Variants in TRIM8 observed in about 807,000 individuals in gnomAD.
TRIM8 encodes the protein tripartite motif containing 8, also known as E3 ubiquitin-protein ligase TRIM8.
A neutral mutation model predicts 55.7 loss-of-function variants in TRIM8; 9 were observed. The ratio of observed to expected loss-of-function variants is 0.16; its 90% CI spans 0.10 to 0.28. The LOEUF (loss-of-function observed/expected upper bound fraction) is 0.28, where lower values mean the gene tolerates loss of function less well. Among genes scored for constraint, TRIM8 ranks in the 10% least tolerant of loss-of-function variants. The pLI, the probability that TRIM8 is intolerant of heterozygous loss-of-function variation, is 1.00. For synonymous variants in TRIM8, 335 were observed against 333.3 expected, an observed-to-expected ratio of 1.01 and a Z score of -0.06; for missense variants, 556 against 736.4, an observed-to-expected ratio of 0.76 and a Z score of 2.83.
chr10:102,657,356 G>A lies in TRIM8; in HGVS notation c.*2G>A, dbSNP rs899209934. 4.5e-6 allele frequency: 7 copies of A among 1,554,448 alleles called. No homozygotes were observed. The highest frequency in any genetic ancestry group is 3.6e-5 in the South Asian group (3 of 83,250). On this transcript the variant is annotated 3_prime_UTR_variant, in exon 6 of 6. Transcript: ENST00000643721. ...ACCAAACACTACGTGACGAGCTAAC[G>A]CCACGCAGGCGGCGGGGCGCTGGGG...
chr10:102,645,230 C>G, intron 1 of TRIM8, 43 bp downstream of exon 1: 2 of 1,467,166 alleles, frequency 1.4e-6, no homozygotes, highest in Non-Finnish European at 1.8e-6. Flanking sequence ...CACACACAGA[C>G]ACACAGTCCC....
At chr10:102,653,026 C>T (rs889541309) in intron 1 of TRIM8, among the ~76,000 whole-genome samples, 5 of 152,136 alleles carry the variant, frequency 3.3e-5, no homozygotes, top group Admixed American at 2.0e-4. Context: ...CTCGAACTCC[C>T]GACCTCAGGT....
rs2064029084 is a variant in TRIM8, at chr10:102,656,808, C to T, written c.1110C>T (p.Ser370=). ...TCCCCCTGTACCCTTGCGGCGTGAG[C>T]AGCTCTGGGGCGGAAAAGCGCAAGC... ...QSVPLYPCGV[S]SSGAEKRKHS... Residue 370 remains serine, a synonymous_variant, in exon 6 of 6, where the codon AGC becomes AGT. Coordinates refer to ENST00000643721, the MANE Select transcript of TRIM8 (RefSeq NM_030912.3). This position sits in a 1 kb window ranked among gnomAD's most constrained non-coding sequence, Gnocchi z 4.6. The T allele has an allele frequency of 1.3e-6, 2 of 1,522,938 alleles. No individual in the cohort carries two copies. Among genetic ancestry groups the T allele is most frequent in the South Asian group, 1.3e-5 (1 of 76,000 alleles). 94.3% of individuals were successfully genotyped at this position (1,522,938 alleles called of 1,614,324 possible).
At chr10:102,654,852 A>G in intron 2 of TRIM8, 104 bp downstream of exon 2, 1 of 986,408 alleles carries the variant, frequency 1.0e-6, no homozygotes, top group Non-Finnish European at 1.6e-6. Context: ...TGCCAGAACC[A>G]CTCCATCAGT....
intron 1 of TRIM8, among the ~76,000 whole-genome samples, chr10:102,649,673 G>A (rs2063964915): frequency 2.0e-5 from 3 of 152,224 alleles, no homozygotes; most frequent in Admixed American, 2.0e-4. Context: ...GCCCTCTCTG[G>A]GGTCTGCCGG....
chr10:102,645,893 A>G (rs1053609429), intron 1 of TRIM8: 1 of 152,224 alleles, frequency 6.6e-6, no homozygotes, highest in Non-Finnish European at 1.5e-5. Flanking sequence ...ATCTGTCTTC[A>G]TCATCCTGGC....
At chr10:102,654,773 C>G in intron 2 of TRIM8, 25 bp downstream of exon 2, 1 of 1,575,554 alleles carries the variant, frequency 6.3e-7, no homozygotes, top group Non-Finnish European at 8.7e-7. Flanking sequence ...GGCCATGCTG[C>G]GGGGTGGGGG....
rs1375254644 is a variant in TRIM8 at position 102,658,084 on chromosome 10, A to G, written c.*730A>G. The G allele has an allele frequency of 1.3e-5, 2 of 152,134 alleles. No homozygotes were observed. Among genetic ancestry groups the G allele is most frequent in the African/African-American group, 4.8e-5 (2 of 41,412 alleles). The allele number at this position is 152,134 out of a possible 1,614,324, so 9.4% of individuals were successfully genotyped here. Reference sequence around the variant, plus strand: ...ATAATAATAATATTAATAATAATAAAGAGAAATAAAATAATAAAATAAAAA... The same window carrying G: ...ATAATAATAATATTAATAATAATAAGGAGAAATAAAATAATAAAATAAAAA... On this transcript the variant is annotated 3_prime_UTR_variant, in exon 6 of 6. Transcript: ENST00000643721.
chr10:102,656,559 C>G lies in TRIM8; in HGVS notation c.1048+174C>G. On this transcript the variant is annotated intron_variant, in intron 5 of 5. Coordinates refer to ENST00000643721, the MANE Select transcript of TRIM8 (RefSeq NM_030912.3). This position sits in a 1 kb window ranked among gnomAD's most constrained non-coding sequence, Gnocchi z 4.6. Reference sequence around the variant, plus strand: ...GTAAGCAACATGACCTCCCCAGCCTCCATTTCTTCAGCTTAAAGTGGGGAT... The same window carrying G: ...GTAAGCAACATGACCTCCCCAGCCTGCATTTCTTCAGCTTAAAGTGGGGAT... The G allele has an allele frequency of 7.7e-7, 1 of 1,307,094 alleles. No homozygotes were observed. Among genetic ancestry groups the G allele is most frequent in the Non-Finnish European group, 1.0e-6 (1 of 968,182 alleles). 81.0% of individuals were successfully genotyped at this position (1,307,094 alleles called of 1,614,324 possible). A position where few individuals can be genotyped will look rare whatever the true frequency, so the allele number is the denominator to read the frequency against.
chr10:102,648,457 C>G (rs985659444), intron 1 of TRIM8, among the ~76,000 whole-genome samples: 2 of 152,134 alleles, frequency 1.3e-5, no homozygotes, highest in African/African-American at 4.8e-5. Flanking sequence ...TGCTAGGGCC[C>G]TGTTCCTTGC....
In TRIM8 at chr10:102,647,079, C is replaced by T. The variant is rs556800902; in HGVS notation, c.570+1892C>T. ...CCTCCAATGCACCTGTCTCCTGTCT[C>T]TACAGTTCAGGGCACAGGCAGGGGT... On this transcript the variant is annotated intron_variant, in intron 1 of 5. Transcript: ENST00000643721. Among the ~76,000 whole-genome samples, 5 of 152,326 alleles carry T rather than the reference C, an allele frequency of 3.3e-5. No individual in the cohort carries two copies. The South Asian group carries it at 1.0e-3, about 32-fold the overall frequency.
rs1195803111 is a variant in TRIM8, at chr10:102,644,865, T to C, written c.248T>C (p.Val83Ala). 6.2e-7 allele frequency: 1 copy of C among 1,611,898 alleles called. No individual in the cohort carries two copies. Among genetic ancestry groups the C allele is most frequent in the East Asian group, 2.2e-5 (1 of 44,790 alleles). Residue 83 changes from valine to alanine, a missense_variant, in exon 1 of 6, where the codon GTG becomes GCG. Around this residue, in one of 2 missense-constraint regions of TRIM8, gnomAD observed 165 missense variants for 295.3 expected, o/e 0.56. Transcript: ENST00000643721. Reference sequence around the variant, plus strand: ...GTGGAGAAGTTCAATGCCCTGCACGTGGAGAAGCCGCCGGCGGCGCTGCAC... The same window carrying C: ...GTGGAGAAGTTCAATGCCCTGCACGCGGAGAAGCCGCCGGCGGCGCTGCAC... ...NIVEKFNALH[V>A]EKPPAALHCV... is the part of the protein sequence containing the mutation.
rs1464535588 is a variant in TRIM8 at position 102,655,964 on chromosome 10, A to T, written c.901-142A>T. 5.7e-6 allele frequency: 7 copies of T among 1,235,776 alleles called. No individual in the cohort carries two copies. The African/African-American group carries it at 8.9e-5, about 16-fold the overall frequency. 76.6% of individuals were successfully genotyped at this position (1,235,776 alleles called of 1,614,324 possible). On this transcript the variant is annotated intron_variant, in intron 3 of 5. Coordinates refer to ENST00000643721, the MANE Select transcript of TRIM8 (RefSeq NM_030912.3). Reference sequence around the variant, plus strand: ...TCTTCTTCCGCAAATGGCCACCCCTACCCCTGCCACTTTCTGTCCAGAATG... The same window carrying T: ...TCTTCTTCCGCAAATGGCCACCCCTTCCCCTGCCACTTTCTGTCCAGAATG...
chr10:102,647,963 T>C (rs1367255037), intron 1 of TRIM8, among the ~76,000 whole-genome samples: 3 of 152,166 alleles, frequency 2.0e-5, no homozygotes, highest in Admixed American at 6.5e-5. Flanking sequence ...CCTGGGGAAC[T>C]ACAAGGGGGA....
intron 1 of TRIM8, among the ~76,000 whole-genome samples, chr10:102,648,318 T>C (rs1014812485): frequency 6.6e-6 from 1 of 152,156 alleles, no homozygotes. Context: ...GCAGGCCCGG[T>C]TGCATGTGTG....
At position 102,655,145 on chromosome 10, in the gene TRIM8, C is replaced by T. The variant is rs757125381; in HGVS notation, c.732C>T (p.Asp244=). Residue 244 remains aspartate, a synonymous_variant, in exon 3 of 6, where the codon GAC becomes GAT. Transcript: ENST00000643721. The part of the protein sequence containing the change: ...LQYEKLHQLL[D]EDLRQTVEVL... ...ACGAGAAGCTGCACCAGCTGCTGGA[C>T]GAGGACCTGCGGCAGACAGTGGAGG... 2.8e-5 allele frequency: 45 copies of T among 1,611,820 alleles called. No individual in the cohort carries two copies. Among genetic ancestry groups the T allele is most frequent in the African/African-American group, 8.0e-5 (6 of 74,700 alleles).
chr10:102,655,585 T>C (rs2064017508), intron 3 of TRIM8, among the ~76,000 whole-genome samples: 1 of 152,204 alleles, frequency 6.6e-6, no homozygotes, highest in Non-Finnish European at 1.5e-5. Flanking sequence ...CTCTGGAAAC[T>C]AAACAAATTT....
chr10:102,650,030 C>CCCTGCCCTGCCCCTT (rs1311469719), intron 1 of TRIM8, among the ~76,000 whole-genome samples: 1 of 149,986 alleles, frequency 6.7e-6, no homozygotes, highest in Non-Finnish European at 1.5e-5. Flanking sequence ...TCTTGCCCCT[C>CCCTGCCCTGCCCCTT]CCACCACCAC....
rs779331875 is a variant in TRIM8, at chr10:102,654,551, C to T, written c.571-102C>T. The T allele has an allele frequency of 2.2e-4, 208 of 941,678 alleles. 1 individual carries two copies. Among genetic ancestry groups the T allele is most frequent in the Non-Finnish European group, 3.1e-4 (178 of 575,168 alleles). The allele number at this position is 941,678 out of a possible 1,614,324, so 58.3% of individuals were successfully genotyped here. A position where few individuals can be genotyped will look rare whatever the true frequency, so the allele number is the denominator to read the frequency against. On this transcript the variant is annotated intron_variant, in intron 1 of 5. Transcript: ENST00000643721. ...CTGGGTAGCAGAGGCTTGGTGCCAT[C>T]GGGTCAAAGGATCCATAGGATGCAT...
Sources: gnomAD v4.1 joint callset for allele counts (sites outside exome capture counted in the v4.1 genomes callset) on GRCh38, gnomAD v4.1.1 for gene constraint, gnomAD v4.1.1 regional missense constraint, Gnocchi (gnomAD v3.1) non-coding constraint, MANE v1.5 for transcripts, NCBI Gene and HGNC (gene_info 2026-07-23, HGNC 2026-07-21) for gene names.